Variants in AP3B1 observed in about 807,000 individuals in gnomAD.
AP3B1 encodes adaptor related protein complex 3 subunit beta 1.
AP3B1 carries 61 observed loss-of-function variants against 132.5 expected under a neutral mutation model. The ratio of observed to expected loss-of-function variants is 0.46; its 90% CI spans 0.37 to 0.57. The LOEUF is 0.57. Ranked by LOEUF, AP3B1 falls within the 20% of genes least tolerant of loss-of-function variation. The pLI is 0.00. For missense variants in AP3B1, 1,120 were observed against 1,289.4 expected, an observed-to-expected ratio of 0.87 and a Z score of 2.01; for synonymous variants, 388 against 438.3, an observed-to-expected ratio of 0.89 and a Z score of 1.43.
chr5:78,069,407 A>C (rs1369405038), intron 22 of AP3B1, among the ~76,000 whole-genome samples: 1 of 152,214 alleles, frequency 6.6e-6, no homozygotes, highest in Non-Finnish European at 1.5e-5. Context: ...GCAAAGTCTC[A>C]GTATACAAAA....
At chr5:78,001,759 G>C (rs1206880705), downstream of AP3B1, 1 of 152,114 alleles carries the variant, frequency 6.6e-6, no homozygotes, top group Non-Finnish European at 1.5e-5. Context: ...TATACAAAAA[G>C]AACTGAGTAG....
intron 7 of AP3B1, among the ~76,000 whole-genome samples, chr5:78,190,428 G>A (rs1561467376): frequency 6.6e-6 from 1 of 152,162 alleles, no homozygotes. Context: ...AAATGAAGGA[G>A]ATGAGGCTTT....
chr5:78,072,640 C>A (rs1176979493), intron 22 of AP3B1, among the ~76,000 whole-genome samples: 1 of 148,076 alleles, frequency 6.8e-6, no homozygotes, highest in Non-Finnish European at 1.5e-5. Context: ...AAAACACTTA[C>A]TGATAGGCTT....
intron 20 of AP3B1, among the ~76,000 whole-genome samples, chr5:78,103,644 A>G (rs1317537937): frequency 6.6e-6 from 1 of 152,114 alleles, no homozygotes; most frequent in Non-Finnish European, 1.5e-5. Context: ...ACTGTATTAG[A>G]CTTTTATAAG....
intron 20 of AP3B1, among the ~76,000 whole-genome samples, chr5:78,104,162 T>C (rs1354064680): frequency 6.6e-6 from 1 of 152,184 alleles, no homozygotes; most frequent in Non-Finnish European, 1.5e-5. Flanking sequence ...GATATTTGCA[T>C]GAAATATTTT....
chr5:78,070,884 T>A (rs778665516), intron 22 of AP3B1, among the ~76,000 whole-genome samples: 2 of 152,146 alleles, frequency 1.3e-5, no homozygotes, highest in Non-Finnish European at 2.9e-5. Context: ...CCAGTCAGAA[T>A]GGCGATTAAA....
At chr5:78,035,472 G>A (rs1283038115) in intron 23 of AP3B1, among the ~76,000 whole-genome samples, 1 of 151,978 alleles carries the variant, frequency 6.6e-6, no homozygotes, top group Non-Finnish European at 1.5e-5. Context: ...TTCTTGGTAA[G>A]TATGATTTGC....
intron 2 of AP3B1, among the ~76,000 whole-genome samples, chr5:78,250,414 C>A (rs1474318155): frequency 6.6e-6 from 1 of 152,100 alleles, no homozygotes; most frequent in Non-Finnish European, 1.5e-5. Flanking sequence ...CTGTTTGTCC[C>A]ACTCTATTCT....
chr5:78,289,843 A>T (rs949017327), intron 1 of AP3B1, among the ~76,000 whole-genome samples: 1 of 152,090 alleles, frequency 6.6e-6, no homozygotes, highest in Non-Finnish European at 1.5e-5. Context: ...CCATTCCCAT[A>T]CTTTACTACC....
rs1218417765 is a variant in AP3B1, at chr5:78,138,052, T to C, written c.1650+3091A>G. Among the ~76,000 whole-genome samples, 21 of 152,208 alleles carry C rather than the reference T, an allele frequency of 1.4e-4. 1 individual carries two copies. The highest frequency in any genetic ancestry group is 1.3e-3 in the Admixed American group (20 of 15,282). On this transcript the variant is annotated intron_variant, in intron 15 of 26. Coordinates refer to ENST00000255194, the MANE Select transcript of AP3B1 (RefSeq NM_003664.5). ...TTTAAAGATGGCTAAAATAAATAAGTAGAGAAAACAATTCTTAGTATTTCA... is the reference window on the plus strand; with the variant it reads ...TTTAAAGATGGCTAAAATAAATAAGCAGAGAAAACAATTCTTAGTATTTCA...
rs143977367 is a variant in AP3B1, at chr5:78,133,167, A to G, written c.1651-3860T>C. ...TTGCTGGTATATCAAGTTGCTGGCA[A>G]ATGAAGCATTGTTAAATACTCATCT... On this transcript the variant is annotated intron_variant, in intron 15 of 26. Transcript: ENST00000255194. Among the ~76,000 whole-genome samples the G allele has an allele frequency of 1.9e-3, 292 of 152,300 alleles. 1 individual carries two copies. The highest frequency in any genetic ancestry group is 1.9e-3 in the Non-Finnish European group (131 of 68,022).
chr5:78,106,632 T>C (rs1455222765), intron 20 of AP3B1, among the ~76,000 whole-genome samples: 2 of 152,156 alleles, frequency 1.3e-5, no homozygotes, highest in Admixed American at 6.5e-5. Flanking sequence ...TGGGAAAGCA[T>C]TGGTCAGAGG....
At chr5:78,192,968 C>G (rs948155473) in intron 7 of AP3B1, among the ~76,000 whole-genome samples, 3 of 152,154 alleles carry the variant, frequency 2.0e-5, no homozygotes. Context: ...TTACAGTAGC[C>G]CAAACTAAGA....
At chr5:78,245,097 G>A (rs921060837) in intron 2 of AP3B1, among the ~76,000 whole-genome samples, 2 of 152,140 alleles carry the variant, frequency 1.3e-5, no homozygotes, top group Non-Finnish European at 2.9e-5. Flanking sequence ...GAAGAGACAA[G>A]TTAAGAGTAA....
intron 14 of AP3B1, among the ~76,000 whole-genome samples, chr5:78,149,861 T>C (rs924537650): frequency 1.3e-5 from 2 of 151,920 alleles, no homozygotes; most frequent in African/African-American, 4.8e-5. Flanking sequence ...CAGATATGAA[T>C]ACAAAGTAAC....
intron 7 of AP3B1, among the ~76,000 whole-genome samples, chr5:78,192,470 T>C (rs7701184): frequency 0.1 from 15,384 of 151,716 alleles, 1,479 homozygotes; most frequent in African/African-American, 0.24. Flanking sequence ...GGTGAAACCC[T>C]GTCTCTACTA....
intron 6 of AP3B1, among the ~76,000 whole-genome samples, chr5:78,223,027 C>CTCTTTTTTTTTTTTTTTTTTTTTTT (rs66493022): frequency 2.3e-5 from 3 of 127,818 alleles, no homozygotes; most frequent in Admixed American, 7.9e-5. Context: ...TTGTTTGTTT[C>CTCTTTTTTTTTTTTTTTTTTTTTTT]TTTTTTTTTT....
At chr5:78,110,702 GTGTGTGTGTGTGTA>G (rs1030748711) in intron 19 of AP3B1, among the ~76,000 whole-genome samples, 3 of 151,486 alleles carry the variant, frequency 2.0e-5, no homozygotes, top group African/African-American at 7.3e-5. Flanking sequence ...GTGTGTGTGT[GTGTGTGTGTGTGTA>G]TGTATGTATA....
intron 17 of AP3B1, among the ~76,000 whole-genome samples, chr5:78,122,717 A>G (rs1752272895): frequency 6.6e-6 from 1 of 152,208 alleles, no homozygotes; most frequent in Non-Finnish European, 1.5e-5. Context: ...AAATGGAGGA[A>G]CATTCCATGC....
Sources: gnomAD v4.1 joint callset for allele counts (sites outside exome capture counted in the v4.1 genomes callset) on GRCh38, gnomAD v4.1.1 for gene constraint, MANE v1.5 for transcripts, NCBI Gene and HGNC (gene_info 2026-07-23, HGNC 2026-07-21) for gene names.